GALNT1: variants seen among roughly 807,000 people sequenced by gnomAD.
GALNT1 encodes GalNAc transferase 1.
A neutral mutation model predicts 65.7 loss-of-function variants in GALNT1; 17 were observed. The observed-to-expected ratio is 0.26, with a 90% confidence interval of 0.18 to 0.39. GALNT1 has a LOEUF of 0.39. Ranked by LOEUF, GALNT1 falls within the 10% of genes least tolerant of loss-of-function variation. The pLI, the probability that GALNT1 is intolerant of heterozygous loss-of-function variation, is 1.00. For synonymous variants in GALNT1, 210 were observed against 219.7 expected, an observed-to-expected ratio of 0.96 and a Z score of 0.39; for missense variants, 460 against 672.8, an observed-to-expected ratio of 0.68 and a Z score of 3.50.
At chr18:35,679,672 C>T (rs2144587867) in intron 4 of GALNT1, among the ~76,000 whole-genome samples, 1 of 152,274 alleles carries the variant, frequency 6.6e-6, no homozygotes. Context: ...CCTCAAATAT[C>T]CGGGTTACCA....
chr18:35,625,315 G>C (rs1458075496), intron 1 of GALNT1, among the ~76,000 whole-genome samples: 1 of 152,192 alleles, frequency 6.6e-6, no homozygotes, highest in Non-Finnish European at 1.5e-5. Flanking sequence ...CAGATCCGGA[G>C]AAGAGTAGGG....
chr18:35,662,382 T>G (rs2047489597), intron 2 of GALNT1, among the ~76,000 whole-genome samples: 1 of 152,228 alleles, frequency 6.6e-6, no homozygotes, highest in Non-Finnish European at 1.5e-5. Flanking sequence ...AGGGGAAAAC[T>G]AATGCACACT....
chr18:35,636,037 G>T (rs75237250), intron 1 of GALNT1, among the ~76,000 whole-genome samples: 1 of 152,022 alleles, frequency 6.6e-6, no homozygotes, highest in African/African-American at 2.4e-5. Flanking sequence ...CTGATTCCAG[G>T]ATATGGAATC....
intron 3 of GALNT1, among the ~76,000 whole-genome samples, chr18:35,665,126 G>A (rs2047531148): frequency 1.3e-5 from 2 of 152,014 alleles, no homozygotes; most frequent in African/African-American, 4.8e-5. Context: ...AGGTAAGCAA[G>A]GAATACTAGA....
Position 35,683,484 on chromosome 18 carries a change from C to G in GALNT1, c.575C>G (p.Ala192Gly). ...RMEQRSGLIR[A>G]RLKGAAVSKG... is the part of the protein sequence containing the mutation. ...GAACAACGTTCTGGATTGATCAGAG[C>G]TAGATTAAAAGGAGCTGCTGTGTCT... is the stretch of plus-strand genomic sequence containing the variant. The change falls in exon 5 of 12, where the codon GCT becomes GGT. Residue 192 changes from alanine to glycine, a missense_variant. Coordinates refer to ENST00000269195, the MANE Select transcript of GALNT1 (RefSeq NM_020474.4). 1 of 1,613,796 alleles carries G rather than the reference C, an allele frequency of 6.2e-7. No homozygotes were observed. Among genetic ancestry groups the G allele is most frequent in the Non-Finnish European group, 8.5e-7 (1 of 1,179,842 alleles).
intron 3 of GALNT1, among the ~76,000 whole-genome samples, chr18:35,666,714 G>A (rs1265305789): frequency 2.0e-5 from 3 of 152,130 alleles, no homozygotes; most frequent in Non-Finnish European, 4.4e-5. Flanking sequence ...TATGATATTA[G>A]GAATAGTGTT....
chr18:35,614,477 A>T (rs1482339030), intron 1 of GALNT1, among the ~76,000 whole-genome samples: 1 of 152,214 alleles, frequency 6.6e-6, no homozygotes, highest in African/African-American at 2.4e-5. Flanking sequence ...TGAAAAACCT[A>T]CAGCAAACAT....
intron 1 of GALNT1, among the ~76,000 whole-genome samples, chr18:35,593,128 G>A (rs2046464470): frequency 6.6e-6 from 1 of 152,158 alleles, no homozygotes; most frequent in African/African-American, 2.4e-5. Context: ...AAGCACTGAA[G>A]AAATCTATGT....
At chr18:35,679,441 A>G (rs1297885920) in intron 4 of GALNT1, among the ~76,000 whole-genome samples, 2 of 152,202 alleles carry the variant, frequency 1.3e-5, no homozygotes, top group Non-Finnish European at 2.9e-5. Flanking sequence ...TCCCACAACA[A>G]GTGACAGAGA....
In GALNT1 at chr18:35,692,207, A is replaced by G. The variant is rs1335638591; in HGVS notation, c.1186A>G (p.Ile396Val). ...TGTTACAAAGGTAGATTATGGAGAT[A>G]TATCGTCAAGAGTTGGTCTAAGACA... ...PGVTKVDYGD[I>V]SSRVGLRHKL... The change falls in exon 9 of 12, where the codon ATA becomes GTA. Residue 396 changes from isoleucine (I) to valine (V), a missense_variant. By Grantham distance (29) the Ile-to-Val change is conservative. Transcript: ENST00000269195. The G allele has an allele frequency of 6.8e-6, 11 of 1,610,870 alleles. No individual in the cohort carries two copies. Among genetic ancestry groups the G allele is most frequent in the South Asian group, 1.1e-5 (1 of 90,880 alleles).
At chr18:35,678,790 A>G (rs1206319788) in intron 4 of GALNT1, among the ~76,000 whole-genome samples, 1 of 152,160 alleles carries the variant, frequency 6.6e-6, no homozygotes, top group Non-Finnish European at 1.5e-5. Flanking sequence ...GATTTAGTTA[A>G]GTATCATACT....
chr18:35,651,546 A>G (rs1302927852), intron 1 of GALNT1, among the ~76,000 whole-genome samples: 2 of 152,138 alleles, frequency 1.3e-5, no homozygotes, highest in African/African-American at 4.8e-5. Flanking sequence ...CTCTTAAAGG[A>G]CTGAAATTTG....
intron 1 of GALNT1, among the ~76,000 whole-genome samples, chr18:35,631,902 A>C (rs1459221528): frequency 6.6e-6 from 1 of 152,240 alleles, no homozygotes; most frequent in African/African-American, 2.4e-5. Context: ...AAGCATTCTT[A>C]TACACCAATA....
intron 1 of GALNT1, among the ~76,000 whole-genome samples, chr18:35,623,275 G>T (rs1220107792): frequency 6.6e-6 from 1 of 151,882 alleles, no homozygotes; most frequent in African/African-American, 2.4e-5. Context: ...TTTGTTACAT[G>T]TAATGAGAAG....
intron 3 of GALNT1, among the ~76,000 whole-genome samples, chr18:35,667,064 G>A (rs1466352288): frequency 1.3e-5 from 2 of 152,128 alleles, no homozygotes; most frequent in Non-Finnish European, 2.9e-5. Flanking sequence ...ATTCCTAACA[G>A]TTTTGTCTTA....
At chr18:35,670,933 A>AGAC (rs2047625387) in intron 3 of GALNT1, among the ~76,000 whole-genome samples, 1 of 152,198 alleles carries the variant, frequency 6.6e-6, no homozygotes, top group Admixed American at 6.5e-5. Context: ...CAAAACTGAA[A>AGAC]CTGCATCTTT....
At chr18:35,689,510 C>T (rs904981325) in intron 7 of GALNT1, among the ~76,000 whole-genome samples, 2 of 152,120 alleles carry the variant, frequency 1.3e-5, no homozygotes, top group Non-Finnish European at 2.9e-5. Context: ...ATAAAACTTA[C>T]ACAAGATTCC....
chr18:35,669,389 A>G (rs1371860621), intron 3 of GALNT1, among the ~76,000 whole-genome samples: 1 of 152,280 alleles, frequency 6.6e-6, no homozygotes, highest in Non-Finnish European at 1.5e-5. Flanking sequence ...AAATCTGACA[A>G]GGTTATTACA....
chr18:35,656,199 G>A (rs918262292), intron 2 of GALNT1, among the ~76,000 whole-genome samples: 2 of 152,126 alleles, frequency 1.3e-5, no homozygotes, highest in Non-Finnish European at 2.9e-5. Flanking sequence ...TAAGCTCATG[G>A]TGTTCTATCT....
Sources: allele counts gnomAD v4.1 joint callset (sites outside exome capture counted in the v4.1 genomes callset), GRCh38; gene constraint gnomAD v4.1.1; transcripts MANE v1.5; gene names NCBI Gene and HGNC (gene_info 2026-07-23, HGNC 2026-07-21).